The following PKNOX1 variants were observed in gnomAD, a reference collection of about 807,000 sequenced individuals.
PKNOX1 encodes homeobox protein PKNOX1.
Under a neutral mutation model 51.9 loss-of-function variants are expected in PKNOX1, and 15 were observed. The ratio of observed to expected loss-of-function variants is 0.29; its 90% CI spans 0.19 to 0.45. The LOEUF (loss-of-function observed/expected upper bound fraction) is 0.45. Ranked by LOEUF, PKNOX1 falls within the 20% of genes least tolerant of loss-of-function variation. The pLI, the probability that PKNOX1 is intolerant of heterozygous loss-of-function variation, is 1.00. For synonymous variants in PKNOX1, 219 were observed against 211.1 expected, an observed-to-expected ratio of 1.04 and a Z score of -0.32; for missense variants, 462 against 547.5, an observed-to-expected ratio of 0.84 and a Z score of 1.56.
chr21:43,024,819 G>T, intron 8 of PKNOX1, 52 bp from the exon 9 acceptor site: 1 of 1,204,792 alleles, frequency 8.3e-7, no homozygotes, highest in South Asian at 1.2e-5. Context: ...AAATCGTCTT[G>T]ATTTCCTTTG....
chr21:43,024,912 T>C lies in PKNOX1; in HGVS notation c.891T>C (p.Ala297=). The part of the protein sequence containing the change: ...PTEDEKKQIA[A]QTNLTLLQVN... ...AGGATGAGAAAAAACAGATTGCTGC[T>C]CAGACAAATTTGACACTACTCCAAG... Residue 297 remains alanine, a synonymous_variant, in exon 9 of 11, where the codon GCT becomes GCC. Transcript: ENST00000291547. 1 of 1,612,926 alleles carries C rather than the reference T, an allele frequency of 6.2e-7. No individual in the cohort carries two copies.
rs530768926 is a variant in PKNOX1, at chr21:42,986,669, T to G, written c.-57+12005T>G. 2.0e-5 allele frequency among the ~76,000 whole-genome samples: 3 copies of G among 152,228 alleles called. No individual in the cohort carries two copies. In the South Asian group the frequency reaches 6.2e-4, roughly 32 times the overall value. ...TGCCTAAAACTTCTCACACACAAAA[T>G]GAAAGCTCACTTAACTGTCATGATG... On this transcript the variant is annotated intron_variant, in intron 1 of 10. Transcript: ENST00000291547.
intron 4 of PKNOX1, 128 bp from the exon 5 acceptor site, chr21:43,012,940 G>A (rs2146274605): frequency 1.4e-6 from 1 of 715,006 alleles, no homozygotes; most frequent in East Asian, 2.6e-5. Flanking sequence ...GATTTCTGAT[G>A]TTATTCCACT....
At chr21:42,981,050 T>A (rs2059022913) in intron 1 of PKNOX1, among the ~76,000 whole-genome samples, 1 of 152,222 alleles carries the variant, frequency 6.6e-6, no homozygotes, top group African/African-American at 2.4e-5. Flanking sequence ...TAACAGTGTG[T>A]GTCCTTGGAG....
chr21:42,994,067 G>T (rs1255956312), intron 1 of PKNOX1, among the ~76,000 whole-genome samples: 18 of 138,520 alleles, frequency 1.3e-4, no homozygotes, highest in African/African-American at 3.8e-4. Context: ...GCAAGGCGGG[G>T]TCTCCCTTTG....
chr21:43,015,989 C>T (rs1179401337), intron 5 of PKNOX1, among the ~76,000 whole-genome samples: 1 of 152,070 alleles, frequency 6.6e-6, no homozygotes, highest in Non-Finnish European at 1.5e-5. Context: ...TTTCTAAGAT[C>T]TTAAGGTGGA....
chr21:43,009,662 G>GTAAGCCT (rs1472864172), intron 3 of PKNOX1, among the ~76,000 whole-genome samples: 2 of 150,158 alleles, frequency 1.3e-5, no homozygotes, highest in East Asian at 3.9e-4. Context: ...TAAAACACTG[G>GTAAGCCT]TAAGCCTTGG....
intron 1 of PKNOX1, among the ~76,000 whole-genome samples, chr21:42,998,547 G>A (rs1978609295): frequency 6.6e-6 from 1 of 152,198 alleles, no homozygotes; most frequent in Admixed American, 6.6e-5. Context: ...TTCCATGTAT[G>A]AGCCTGTAAA....
chr21:43,002,153 A>T (rs531572394), intron 1 of PKNOX1, among the ~76,000 whole-genome samples: 1 of 152,182 alleles, frequency 6.6e-6, no homozygotes, highest in African/African-American at 2.4e-5. Flanking sequence ...CGCCGTGTCC[A>T]GTTAGACGTG....
chr21:43,004,600 ACT>A (rs1381828625), intron 2 of PKNOX1, among the ~76,000 whole-genome samples, 168 bp downstream of exon 2: 1 of 152,144 alleles, frequency 6.6e-6, no homozygotes, highest in Non-Finnish European at 1.5e-5. Context: ...ATAGAATAAT[ACT>A]ATTTCGTTAA....
At position 43,030,184 on chromosome 21, in the gene PKNOX1, T is replaced by C; in HGVS notation, c.*83T>C. 2 of 1,106,154 alleles carry C rather than the reference T, an allele frequency of 1.8e-6. No homozygotes were observed. Among genetic ancestry groups the C allele is most frequent in the Non-Finnish European group, 2.6e-6 (2 of 782,422 alleles). The allele number at this position is 1,106,154 out of a possible 1,614,324, so 68.5% of individuals were successfully genotyped here. On this transcript the variant is annotated 3_prime_UTR_variant, in exon 11 of 11. Coordinates refer to ENST00000291547, the MANE Select transcript of PKNOX1 (RefSeq NM_004571.5). ...TTTTATTTCTAATATGTTTTATATG[T>C]AGATATAGAAGAGTGCACTTTTGTA...
In PKNOX1 at chr21:43,030,266, TGTGTGTGTGTGTGTG is replaced by T; in HGVS notation, c.*166_*180del. The T allele has an allele frequency of 9.1e-4, 7 of 7,684 alleles. No individual in the cohort carries two copies. The highest frequency in any genetic ancestry group is 2.3e-3 in the Non-Finnish European group (6 of 2,640). 0.5% of individuals were successfully genotyped at this position (7,684 alleles called of 1,614,324 possible). A position where few individuals can be genotyped will look rare whatever the true frequency, so the allele number is the denominator to read the frequency against. ...GGTGCAGCGACTTCTTTCAAGTGTG[TGTGTGTGTGTGTGTG>T]TGTGTGTGTGTGCGTGTGTGCGTGT... On this transcript the variant is annotated 3_prime_UTR_variant, in exon 11 of 11. Coordinates refer to ENST00000291547, the MANE Select transcript of PKNOX1 (RefSeq NM_004571.5).
chr21:43,016,843 A>G (rs1355435526), intron 5 of PKNOX1, 65 bp from the exon 6 acceptor site: 113 of 1,030,658 alleles, frequency 1.1e-4, no homozygotes, highest in Non-Finnish European at 1.7e-5. Context: ...TACTTATGTT[A>G]AAGTTTTAAA....
chr21:43,032,314 T>TTCCCTCACCGCCCTCCGTCTCTTCG lies in PKNOX1; in HGVS notation c.*2222_*2223insGCCCTCCGTCTCTTCGTCCCTCACC. On this transcript the variant is annotated 3_prime_UTR_variant, in exon 11 of 11. Transcript: ENST00000291547. ...ATGAAAGCCAGCCAGCCCTTCCTCC[T>TTCCCTCACCGCCCTCCGTCTCTTCG]TCCCTCACCACCCTCCGTCTCTTCG... 2.4e-6 allele frequency: 1 copy of TTCCCTCACCGCCCTCCGTCTCTTCG among 414,962 alleles called. No individual in the cohort carries two copies. The highest frequency in any genetic ancestry group is 4.9e-6 in the Non-Finnish European group (1 of 202,554). 25.7% of individuals were successfully genotyped at this position (414,962 alleles called of 1,614,324 possible).
Position 43,010,201 on chromosome 21 carries a change from GA to G in PKNOX1, c.330del (p.Asp111IlefsTer7). 1 of 1,571,954 alleles carries G rather than the reference GA, an allele frequency of 6.4e-7. No homozygotes were observed. Among genetic ancestry groups the G allele is most frequent in the Non-Finnish European group, 8.6e-7 (1 of 1,156,214 alleles). On this transcript the variant is annotated frameshift_variant, in exon 4 of 11. Transcript: ENST00000291547. LOFTEE classifies it high-confidence loss of function. Reference sequence around the variant, plus strand: ...GAAGGAAGGGAAACCTTTCTTTTGTGAAGATCCAGAAACTGATAATTTAGTA... The same window carrying G: ...GAAGGAAGGGAAACCTTTCTTTTGTGAGATCCAGAAACTGATAATTTAGTA... ...QEKEGKPFFC[E>X]DPETDNLMVK...
At chr21:42,991,923 C>T (rs2059089854) in intron 1 of PKNOX1, among the ~76,000 whole-genome samples, 1 of 152,138 alleles carries the variant, frequency 6.6e-6, no homozygotes, top group Non-Finnish European at 1.5e-5. Context: ...TGGGATCTTG[C>T]TCTATCAGCC....
Position 43,030,752 on chromosome 21 carries a change from A to G in PKNOX1, c.*651A>G, listed in dbSNP as rs1019448087. Reference sequence around the variant, plus strand: ...TTGGATGATGACTATATTGAGGATAAAATTTCTAGAGAAGAAACAATACAT... The same window carrying G: ...TTGGATGATGACTATATTGAGGATAGAATTTCTAGAGAAGAAACAATACAT... On this transcript the variant is annotated 3_prime_UTR_variant, in exon 11 of 11. Transcript: ENST00000291547. 1 of 152,552 alleles carries G rather than the reference A, an allele frequency of 6.6e-6. No homozygotes were observed. The highest frequency in any genetic ancestry group is 2.4e-5 in the African/African-American group (1 of 41,466). The allele number at this position is 152,552 out of a possible 1,614,324, so 9.4% of individuals were successfully genotyped here. A position where few individuals can be genotyped will look rare whatever the true frequency, so the allele number is the denominator to read the frequency against.
At chr21:42,997,144 G>A (rs1330341295) in intron 1 of PKNOX1, among the ~76,000 whole-genome samples, 1 of 152,166 alleles carries the variant, frequency 6.6e-6, no homozygotes, top group Non-Finnish European at 1.5e-5. Flanking sequence ...GCATCCCAAA[G>A]AGCTGGAATT....
chr21:42,984,245 T>C (rs2059040714), intron 1 of PKNOX1, among the ~76,000 whole-genome samples: 1 of 152,190 alleles, frequency 6.6e-6, no homozygotes, highest in East Asian at 1.9e-4. Context: ...CTGGCTATGT[T>C]CATACGTTTT....
Sources: gnomAD v4.1 joint callset for allele counts (sites outside exome capture counted in the v4.1 genomes callset) on GRCh38, gnomAD v4.1.1 for gene constraint, MANE v1.5 for transcripts, NCBI Gene and HGNC (gene_info 2026-07-23, HGNC 2026-07-21) for gene names.